The following PGCKA1 variants were observed in gnomAD, a reference collection of about 807,000 sequenced individuals.
The protein encoded by PGCKA1 is PDCD10 and GCKIII kinases-associated protein 1.
At chr4:37,509,605 A>G in the PGCKA1 span, among the ~76,000 whole-genome samples, 4 of 151,738 alleles carry the variant, frequency 2.6e-5, no homozygotes, top group Admixed American at 2.0e-4. Context: ...GGGAGGCCAA[A>G]GCAGGCGGCT....
At chr4:37,567,802 C>T in the PGCKA1 span, among the ~76,000 whole-genome samples, 2 of 152,132 alleles carry the variant, frequency 1.3e-5, no homozygotes, top group Non-Finnish European at 2.9e-5. Context: ...CGATGTTGCA[C>T]ACAGCTGTGA....
chr4:37,552,428 A>T, the PGCKA1 span, among the ~76,000 whole-genome samples: 1 of 152,288 alleles, frequency 6.6e-6, no homozygotes, highest in South Asian at 2.1e-4. Context: ...TCTACAACTC[A>T]GTGTCTGAGA....
At chr4:37,521,871 G>A in the PGCKA1 span, among the ~76,000 whole-genome samples, 1 of 152,134 alleles carries the variant, frequency 6.6e-6, no homozygotes, top group Non-Finnish European at 1.5e-5. Context: ...ATACCCCAGT[G>A]TTAGGTGCAT....
chr4:37,476,737 G>T, the PGCKA1 span, among the ~76,000 whole-genome samples: 2 of 152,146 alleles, frequency 1.3e-5, no homozygotes, highest in African/African-American at 4.8e-5. Flanking sequence ...AATTTTGTAT[G>T]TTAACCTCTA....
At chr4:37,541,502 C>G in the PGCKA1 span, among the ~76,000 whole-genome samples, 53 of 152,214 alleles carry the variant, frequency 3.5e-4, no homozygotes, top group African/African-American at 1.2e-3. Context: ...CTGCCCTCTC[C>G]GCCCTCTACC....
the PGCKA1 span, among the ~76,000 whole-genome samples, chr4:37,497,417 G>A: frequency 3.9e-5 from 6 of 152,042 alleles, no homozygotes; most frequent in South Asian, 6.2e-4. Context: ...TATCTTTTTC[G>A]AATAATGACT....
At chr4:37,512,061 T>G in the PGCKA1 span, among the ~76,000 whole-genome samples, 1 of 152,180 alleles carries the variant, frequency 6.6e-6, no homozygotes, top group Non-Finnish European at 1.5e-5. Context: ...TCTCCCTCTT[T>G]CAAGTGCACA....
the PGCKA1 span, among the ~76,000 whole-genome samples, chr4:37,539,664 T>A: frequency 1.3e-5 from 2 of 152,086 alleles, 1 homozygote; most frequent in African/African-American, 4.8e-5. Flanking sequence ...AAAATAAGAA[T>A]AAACATAAAC....
At chr4:37,524,616 G>A in the PGCKA1 span, among the ~76,000 whole-genome samples, 1 of 152,170 alleles carries the variant, frequency 6.6e-6, no homozygotes, top group African/African-American at 2.4e-5. Context: ...TATGGGAAGG[G>A]GATTATACAG....
the PGCKA1 span, among the ~76,000 whole-genome samples, chr4:37,571,551 T>A: frequency 7.6e-6 from 1 of 131,748 alleles, no homozygotes; most frequent in Non-Finnish European, 1.7e-5. Flanking sequence ...TTATTTTTAT[T>A]TTTTGAGACA....
chr4:37,566,266 CTTTTTTTTTTATTTTAT>C, the PGCKA1 span, among the ~76,000 whole-genome samples: 1 of 148,996 alleles, frequency 6.7e-6, no homozygotes, highest in Non-Finnish European at 1.5e-5. Flanking sequence ...TTTTTTTGTT[CTTTTTTTTTTATTTTAT>C]TTTTTTTTGC....
the PGCKA1 span, among the ~76,000 whole-genome samples, chr4:37,486,360 A>G: frequency 1.3e-5 from 2 of 152,162 alleles, no homozygotes; most frequent in East Asian, 1.9e-4. Context: ...AACCAAGTCA[A>G]TCCTGGGCCT....
chr4:37,456,538 A>G, the PGCKA1 span, among the ~76,000 whole-genome samples: 2 of 152,246 alleles, frequency 1.3e-5, no homozygotes, highest in East Asian at 3.8e-4. Context: ...AACAAATGAC[A>G]AAAGGAATAT....
the PGCKA1 span, among the ~76,000 whole-genome samples, chr4:37,546,856 C>T: frequency 1.3e-5 from 2 of 152,262 alleles, no homozygotes; most frequent in African/African-American, 2.4e-5. Flanking sequence ...CAGCACGTAG[C>T]AGGCCCCTGC....
chr4:37,503,527 G>A, the PGCKA1 span, among the ~76,000 whole-genome samples: 1 of 152,132 alleles, frequency 6.6e-6, no homozygotes, highest in African/African-American at 2.4e-5. Context: ...TAGTTTGTTG[G>A]GGAACTTCCA....
At chr4:37,580,397 G>A in the PGCKA1 span, among the ~76,000 whole-genome samples, 1 of 148,064 alleles carries the variant, frequency 6.8e-6, no homozygotes, top group Admixed American at 6.8e-5. Context: ...AGTCTTTCCA[G>A]TTTGGGCTTG....
the PGCKA1 span, among the ~76,000 whole-genome samples, chr4:37,541,735 G>A: frequency 2.0e-5 from 3 of 152,178 alleles, no homozygotes; most frequent in East Asian, 5.8e-4. Flanking sequence ...TCAAATTCAG[G>A]AGTTTCTGGC....
At chr4:37,521,540 G>A in the PGCKA1 span, among the ~76,000 whole-genome samples, 1 of 152,036 alleles carries the variant, frequency 6.6e-6, no homozygotes, top group Non-Finnish European at 1.5e-5. Context: ...TTCTATTGTG[G>A]TCACAGAAGG....
the PGCKA1 span, among the ~76,000 whole-genome samples, chr4:37,535,132 G>A: frequency 1.3e-5 from 2 of 152,214 alleles, no homozygotes; most frequent in Non-Finnish European, 1.5e-5. Flanking sequence ...GGAAGTCAGA[G>A]TCAGCCAGAT....
Sources: gnomAD v4.1 joint callset for allele counts (sites outside exome capture counted in the v4.1 genomes callset) on GRCh38, gnomAD v4.1.1 for gene constraint, MANE v1.5 for transcripts, NCBI Gene and HGNC (gene_info 2026-07-23, HGNC 2026-07-21) for gene names.